Variants in NRXN3 observed in about 807,000 individuals in gnomAD.
NRXN3 encodes the protein neurexin III.
A neutral mutation model predicts 137.6 loss-of-function variants in NRXN3; 32 were observed. The ratio of observed to expected loss-of-function variants is 0.23; its 90% CI spans 0.18 to 0.31. NRXN3 has a LOEUF of 0.31. Ranked by LOEUF, NRXN3 falls within the 10% of genes least tolerant of loss-of-function variation. The pLI, the probability that NRXN3 is intolerant of heterozygous loss-of-function variation, is 1.00. For missense variants in NRXN3, 1,574 were observed against 2,062.5 expected (o/e 0.76, Z 4.59); for synonymous variants, 798 against 784.5 (o/e 1.02, Z -0.29).
intron 15 of NRXN3, among the ~76,000 whole-genome samples, chr14:79,218,681 T>A (rs2068966612): frequency 6.6e-6 from 1 of 152,158 alleles, no homozygotes; most frequent in Non-Finnish European, 1.5e-5. Flanking sequence ...GAATTGTTAA[T>A]ACAAAAGAGT....
rs1247585515 is a variant in NRXN3 at position 79,763,483 on chromosome 14, G to A, written c.4015-41629G>A. Among the ~76,000 whole-genome samples, 6 of 104,484 alleles carry A rather than the reference G, an allele frequency of 5.7e-5. 1 individual carries two copies. The highest frequency in any genetic ancestry group is 2.4e-4 in the African/African-American group (6 of 25,094). 68.5% of individuals were successfully genotyped at this position (104,484 alleles called of 152,430 possible). On this transcript the variant is annotated intron_variant, in intron 19 of 20. Transcript: ENST00000335750. Reference sequence around the variant, plus strand: ...GACAGGTTGCATAAAACTGACTAATGCCATTCATGACAGTGAGTTTCAAAG... The same window carrying A: ...GACAGGTTGCATAAAACTGACTAATACCATTCATGACAGTGAGTTTCAAAG...
intron 15 of NRXN3, among the ~76,000 whole-genome samples, chr14:79,330,268 A>G (rs1323123786): frequency 6.6e-6 from 1 of 152,152 alleles, no homozygotes; most frequent in Non-Finnish European, 1.5e-5. Flanking sequence ...TTGGAGTATT[A>G]AGAAGGGATT....
At chr14:79,233,313 G>C (rs2199789) in intron 15 of NRXN3, among the ~76,000 whole-genome samples, 3 of 152,158 alleles carry the variant, frequency 2.0e-5, no homozygotes, top group African/African-American at 7.2e-5. Flanking sequence ...TCAACTGTGC[G>C]CAACGTGCTG....
intron 10 of NRXN3, among the ~76,000 whole-genome samples, chr14:78,921,130 T>TC (rs1357970857): frequency 2.6e-5 from 4 of 152,164 alleles, no homozygotes; most frequent in African/African-American, 4.8e-5. Flanking sequence ...TACCCTTTTC[T>TC]CCCCCATGAG....
intron 10 of NRXN3, among the ~76,000 whole-genome samples, chr14:78,843,931 A>C (rs1194176737): frequency 6.6e-6 from 1 of 152,084 alleles, no homozygotes; most frequent in Non-Finnish European, 1.5e-5. Context: ...TGTCACAGAA[A>C]GGGTGTCTGA....
intron 10 of NRXN3, among the ~76,000 whole-genome samples, chr14:78,905,591 AG>A (rs1156294836): frequency 1.3e-5 from 2 of 152,026 alleles, no homozygotes; most frequent in African/African-American, 4.8e-5. Flanking sequence ...CAATTTGCAA[AG>A]GAGAACTAAT....
At chr14:78,591,721 G>A (rs974776241) in intron 4 of NRXN3, among the ~76,000 whole-genome samples, 2 of 152,148 alleles carry the variant, frequency 1.3e-5, no homozygotes, top group Non-Finnish European at 2.9e-5. Context: ...CTGTACATGG[G>A]TTGTTTGACC....
intron 15 of NRXN3, among the ~76,000 whole-genome samples, chr14:79,112,532 G>A (rs904741825): frequency 1.3e-5 from 2 of 152,146 alleles, no homozygotes; most frequent in Non-Finnish European, 1.5e-5. Flanking sequence ...ACTAGGACAC[G>A]GGATTAATGT....
chr14:79,583,230 C>A (rs2097733722), intron 16 of NRXN3, among the ~76,000 whole-genome samples: 1 of 152,118 alleles, frequency 6.6e-6, no homozygotes, highest in Non-Finnish European at 1.5e-5. Context: ...TCGGGTTTCT[C>A]ATCTTAAAAT....
intron 4 of NRXN3, among the ~76,000 whole-genome samples, chr14:78,591,217 C>T (rs1160572530): frequency 6.6e-6 from 1 of 152,164 alleles, no homozygotes; most frequent in Non-Finnish European, 1.5e-5. Flanking sequence ...AGATTTCCTG[C>T]TGAGAAGTCG....
intron 8 of NRXN3, among the ~76,000 whole-genome samples, chr14:78,781,499 A>T (rs987578425): frequency 5.9e-5 from 9 of 152,206 alleles, no homozygotes; most frequent in African/African-American, 1.9e-4. Flanking sequence ...CCTCACTGAG[A>T]TGTGTGTGCT....
At chr14:78,761,822 T>C (rs1274605733) in intron 8 of NRXN3, among the ~76,000 whole-genome samples, 3 of 152,194 alleles carry the variant, frequency 2.0e-5, no homozygotes, top group Non-Finnish European at 4.4e-5. Flanking sequence ...TGAGTGCTGG[T>C]GAGCACTTTT....
chr14:79,715,405 A>T (rs1455842921), intron 19 of NRXN3, among the ~76,000 whole-genome samples: 1 of 152,190 alleles, frequency 6.6e-6, no homozygotes, highest in Non-Finnish European at 1.5e-5. Flanking sequence ...TTCCTCTAAA[A>T]GACTGTGGAG....
intron 16 of NRXN3, among the ~76,000 whole-genome samples, chr14:79,544,021 G>T (rs1396444805): frequency 6.6e-6 from 1 of 152,174 alleles, no homozygotes; most frequent in African/African-American, 2.4e-5. Context: ...CTTTGTGAAT[G>T]CAAATGTTGA....
intron 8 of NRXN3, among the ~76,000 whole-genome samples, chr14:78,756,283 T>A (rs886371938): frequency 6.6e-6 from 1 of 151,504 alleles, no homozygotes; most frequent in African/African-American, 2.4e-5. Flanking sequence ...AGGTCAAGAG[T>A]TTGAGACTAG....
intron 10 of NRXN3, among the ~76,000 whole-genome samples, chr14:78,851,031 A>C (rs2099041085): frequency 6.6e-6 from 1 of 152,162 alleles, no homozygotes; most frequent in African/African-American, 2.4e-5. Context: ...TGCAGGACTA[A>C]ACAGATATCT....
chr14:78,484,195 A>G (rs1482824093), intron 4 of NRXN3, among the ~76,000 whole-genome samples: 1 of 152,180 alleles, frequency 6.6e-6, no homozygotes. Flanking sequence ...ATAATAGATA[A>G]TGACAAATAA....
intron 8 of NRXN3, among the ~76,000 whole-genome samples, chr14:78,761,323 G>A (rs1419637468): frequency 6.6e-6 from 1 of 152,144 alleles, no homozygotes; most frequent in East Asian, 1.9e-4. Flanking sequence ...TGCTGATAAA[G>A]TCAAGATTAA....
rs556810032 is a variant in NRXN3 at position 78,644,224 on chromosome 14, C to T, written c.758-896C>T. On this transcript the variant is annotated intron_variant, in intron 4 of 20. Transcript: ENST00000335750. ...AGAGGCCTGCACAAGCCCTGAAAAA[C>T]AGGCTTAAGGCTTTTTGGGTGGGCA... Among the ~76,000 whole-genome samples, 15 of 150,298 alleles carry T rather than the reference C, an allele frequency of 1.0e-4. No individual in the cohort carries two copies. In the South Asian group the frequency reaches 3.0e-3, roughly 30 times the overall value.
Sources: gnomAD v4.1 joint callset for allele counts (sites outside exome capture counted in the v4.1 genomes callset) on GRCh38, gnomAD v4.1.1 for gene constraint, MANE v1.5 for transcripts, NCBI Gene and HGNC (gene_info 2026-07-23, HGNC 2026-07-21) for gene names.